The following VPS18 variants were observed in gnomAD, a reference collection of about 807,000 sequenced individuals.
VPS18 encodes the protein vacuolar protein sorting-associated protein 18 homolog.
A neutral mutation model predicts 82.0 loss-of-function variants in VPS18; 25 were observed. That is an observed-to-expected ratio of 0.30 (90% CI 0.22 to 0.43). The LOEUF is 0.43. Ranked by LOEUF, VPS18 falls within the 20% of genes least tolerant of loss-of-function variation. The pLI is 1.00. For missense variants in VPS18, 1,168 were observed against 1,311.1 expected, an observed-to-expected ratio of 0.89 and a Z score of 1.69; for synonymous variants, 523 against 543.0, an observed-to-expected ratio of 0.96 and a Z score of 0.51.
In VPS18 at chr15:40,898,897, G is replaced by C. The variant is rs12591803; in HGVS notation, c.234-10G>C. On this transcript the variant is annotated splice_polypyrimidine_tract_variant and intron_variant, in intron 2 of 4. Transcript: ENST00000220509. ...CTTCTCTAAAGTGATGGTGACGCTT[G>C]TCCCCACAGCATTGACTTGGGCAAG... 1 of 1,613,230 alleles carries C rather than the reference G, an allele frequency of 6.2e-7. No individual in the cohort carries two copies. Among genetic ancestry groups the C allele is most frequent in the Non-Finnish European group, 8.5e-7 (1 of 1,179,654 alleles).
chr15:40,902,757 T>C lies in VPS18; in HGVS notation c.2338T>C (p.Cys780Arg). The C allele has an allele frequency of 6.2e-7, 1 of 1,614,276 alleles. No homozygotes were observed. The highest frequency in any genetic ancestry group is 8.5e-7 in the Non-Finnish European group (1 of 1,180,042). The stretch of plus-strand genomic sequence containing the variant: ...GACAGCCATGGCTTGCCTGGCTAGC[T>C]GCCCCTTGCTCAAGATTGAGGATGT... ...VQTAMACLAS[C>R]PLLKIEDVLP... Residue 780 changes from cysteine (C) to arginine (R), a missense_variant, in exon 5 of 5, where the codon TGC becomes CGC. Physicochemically the swap from Cys to Arg is radical, Grantham distance 180 (BLOSUM62 -3). Coordinates refer to ENST00000220509, the MANE Select transcript of VPS18 (RefSeq NM_020857.3). The surrounding 1 kb of genome is among the most constrained non-coding windows in gnomAD (Gnocchi z 4.2).
chr15:40,902,756 C>T lies in VPS18; in HGVS notation c.2337C>T (p.Ser779=). The T allele has an allele frequency of 6.2e-7, 1 of 1,614,286 alleles. No homozygotes were observed. The highest frequency in any genetic ancestry group is 8.5e-7 in the Non-Finnish European group (1 of 1,180,050). Residue 779 remains serine, a synonymous_variant, in exon 5 of 5, where the codon AGC becomes AGT. Transcript: ENST00000220509. The surrounding 1 kb of genome is among the most constrained non-coding windows in gnomAD (Gnocchi z 4.2). ...AGACAGCCATGGCTTGCCTGGCTAG[C>T]TGCCCCTTGCTCAAGATTGAGGATG... ...DVQTAMACLA[S]CPLLKIEDVL...
chr15:40,899,871 G>A lies in VPS18; in HGVS notation c.1053G>A (p.Gly351=). 9 of 1,608,964 alleles carry A rather than the reference G, an allele frequency of 5.6e-6. No individual in the cohort carries two copies. The highest frequency in any genetic ancestry group is 7.6e-6 in the Non-Finnish European group (9 of 1,180,012). ...DRVEAVCTLT[G]QVVLRDHFLE... is the part of the protein sequence containing the mutation. The stretch of plus-strand genomic sequence containing the variant: ...TGGAGGCAGTGTGCACACTGACCGG[G>A]CAGGTGGTGCTGCGGGATCACTTCC... Residue 351 remains glycine, a synonymous_variant, in exon 4 of 5, where the codon GGG becomes GGA. Transcript: ENST00000220509. This position sits in a 1 kb window ranked among gnomAD's most constrained non-coding sequence, Gnocchi z 4.4.
At position 40,903,588 on chromosome 15, in the gene VPS18, A is replaced by G. The variant is rs1892403671; in HGVS notation, c.*247A>G. 1 of 441,064 alleles carries G rather than the reference A, an allele frequency of 2.3e-6. No individual in the cohort carries two copies. Among genetic ancestry groups the G allele is most frequent in the African/African-American group, 2.0e-5 (1 of 49,428 alleles). The allele number at this position is 441,064 out of a possible 1,614,324, so 27.3% of individuals were successfully genotyped here. A position where few individuals can be genotyped will look rare whatever the true frequency, so the allele number is the denominator to read the frequency against. The stretch of plus-strand genomic sequence containing the variant: ...GCCTGCCTCCCAGTAGAGGCCCTTC[A>G]CCTGGAGAAGTCAGAAATCTGACCC... On this transcript the variant is annotated 3_prime_UTR_variant, in exon 5 of 5. Transcript: ENST00000220509.
Position 40,899,776 on chromosome 15 carries a change from C to T in VPS18, c.958C>T (p.Pro320Ser). 6.2e-7 allele frequency: 1 copy of T among 1,612,764 alleles called. No homozygotes were observed. Among genetic ancestry groups the T allele is most frequent in the Non-Finnish European group, 8.5e-7 (1 of 1,180,008 alleles). Residue 320 changes from proline to serine, a missense_variant, in exon 4 of 5, where the codon CCT becomes TCT. Pro to Ser is a moderately conservative substitution (Grantham distance 74). This residue lies in a region of VPS18 where 868 missense variants were observed against 939.8 expected (regional missense o/e 0.92). Transcript: ENST00000220509. This position sits in a 1 kb window ranked among gnomAD's most constrained non-coding sequence, Gnocchi z 4.4. Reference protein sequence around the residue: ...RVWEYPEGVGPGASPPLAIVL... With the variant: ...RVWEYPEGVGSGASPPLAIVL... Reference sequence around the variant, plus strand: ...CTGGGAGTACCCAGAGGGGGTAGGGCCTGGGGCCAGCCCACCCCTAGCCAT... The same window carrying T: ...CTGGGAGTACCCAGAGGGGGTAGGGTCTGGGGCCAGCCCACCCCTAGCCAT...
chr15:40,894,749 G>T lies in VPS18; in HGVS notation c.-20G>T. 1 of 1,540,072 alleles carries T rather than the reference G, an allele frequency of 6.5e-7. No individual in the cohort carries two copies. The highest frequency in any genetic ancestry group is 8.8e-7 in the Non-Finnish European group (1 of 1,140,928). ...TTGTAATCCCCAGGCCCCGGACAAA[G>T]AGCCCAGAGGCCGGGCACCATGGCG... On this transcript the variant is annotated 5_prime_UTR_variant, in exon 1 of 5. Transcript: ENST00000220509.
chr15:40,899,276 C>T lies in VPS18; in HGVS notation c.458C>T (p.Thr153Met), dbSNP rs753461260. 18 of 1,614,092 alleles carry T rather than the reference C, an allele frequency of 1.1e-5. No homozygotes were observed. Among genetic ancestry groups the T allele is most frequent in the Middle Eastern group, 1.6e-4 (1 of 6,084 alleles). ...GTGGGTTGGAACAAGGCACTGGGCA[C>T]GGAGAGCAGCACAGGCCCCATCCTG... is the stretch of plus-strand genomic sequence containing the variant. ...ESVGWNKALG[T>M]ESSTGPILVG... The change falls in exon 4 of 5, where the codon ACG becomes ATG. Residue 153 changes from threonine (T) to methionine (M), a missense_variant. Physicochemically the swap from Thr to Met is moderately conservative, Grantham distance 81. Coordinates refer to ENST00000220509, the MANE Select transcript of VPS18 (RefSeq NM_020857.3). This position sits in a 1 kb window ranked among gnomAD's most constrained non-coding sequence, Gnocchi z 4.4.
chr15:40,901,377 A>G (rs1892355633), intron 4 of VPS18, among the ~76,000 whole-genome samples: 1 of 152,018 alleles, frequency 6.6e-6, no homozygotes, highest in Admixed American at 6.6e-5. Context: ...TCACAAGGTC[A>G]GGAGTTCGAG....
rs1566869916 is a variant in VPS18 at position 40,900,051 on chromosome 15, CAA to C, written c.1235_1236del (p.Lys412ArgfsTer42). 1 of 1,613,664 alleles carries C rather than the reference CAA, an allele frequency of 6.2e-7. No individual in the cohort carries two copies. The highest frequency in any genetic ancestry group is 1.7e-5 in the Admixed American group (1 of 60,026). On this transcript the variant is annotated frameshift_variant, in exon 4 of 5. Transcript: ENST00000220509. LOFTEE classifies it high-confidence loss of function. This position sits in a 1 kb window ranked among gnomAD's most constrained non-coding sequence, Gnocchi z 5.4. ...TGGACATGAACCGCTTCGATCTGGC[CAA>C]AGAGTATTGTCGAGAGCGGCCCGAC... ...YLDMNRFDLA[K>X]EYCRERPDCL...
In VPS18 at chr15:40,899,969, G is replaced by A. The variant is rs1043786986; in HGVS notation, c.1151G>A (p.Arg384Gln). ...GGCCAGCTGTGGGCCTACACTGAGCGGGCTGTCTTCCGCTACCACGTGCAA... is the reference window on the plus strand; with the variant it reads ...GGCCAGCTGTGGGCCTACACTGAGCAGGCTGTCTTCCGCTACCACGTGCAA... ...STGQLWAYTE[R>Q]AVFRYHVQRE... The change falls in exon 4 of 5, where the codon CGG becomes CAG. Residue 384 changes from arginine (R) to glutamine (Q), a missense_variant. By Grantham distance (43) the Arg-to-Gln change is conservative (BLOSUM62 1). Transcript: ENST00000220509. The surrounding 1 kb of genome is among the most constrained non-coding windows in gnomAD (Gnocchi z 4.4). The A allele has an allele frequency of 5.6e-6, 9 of 1,613,972 alleles. No homozygotes were observed. The highest frequency in any genetic ancestry group is 3.3e-4 in the Middle Eastern group (2 of 6,062).
Position 40,903,007 on chromosome 15 carries a change from G to A in VPS18, c.2588G>A (p.Arg863His). Residue 863 changes from arginine to histidine, a missense_variant, in exon 5 of 5, where the codon CGC (arginine) becomes CAC (histidine). Physicochemically the swap from Arg to His is conservative, Grantham distance 29 (BLOSUM62 0). Transcript: ENST00000220509. ...ACCTGCGACTTCCCCCTGCTCAACC[G>A]CCCTTTTTACCTCTTCCTCTGTGGC... is the stretch of plus-strand genomic sequence containing the variant. ...CATCDFPLLNRPFYLFLCGHM... is the reference protein window; with the variant it reads ...CATCDFPLLNHPFYLFLCGHM... 5.6e-6 allele frequency: 9 copies of A among 1,614,254 alleles called. No individual in the cohort carries two copies. The highest frequency in any genetic ancestry group is 4.5e-5 in the East Asian group (2 of 44,884).
In VPS18 at chr15:40,902,608, C is replaced by A. The variant is rs554486193; in HGVS notation, c.2197-8C>A. 3 of 1,604,998 alleles carry A rather than the reference C, an allele frequency of 1.9e-6. No homozygotes were observed. In the East Asian group the frequency reaches 6.7e-5, roughly 36 times the overall value. ...GGCTTGGCCCTAAAGCCCATGCTCT[C>A]CCCACAGGTGGATGTGGACCTGGCC... On this transcript the variant is annotated splice_region_variant and splice_polypyrimidine_tract_variant and intron_variant, in intron 4 of 4. Coordinates refer to ENST00000220509, the MANE Select transcript of VPS18 (RefSeq NM_020857.3). This position sits in a 1 kb window ranked among gnomAD's most constrained non-coding sequence, Gnocchi z 4.2.
In VPS18 at chr15:40,899,146, T is replaced by A; in HGVS notation, c.328T>A (p.Ser110Thr). ...GCGCCATGCTCTCCCCACTCCAGGCTCTCACCTGCTGATTGCCCTGAGCAG... is the reference window on the plus strand; with the variant it reads ...GCGCCATGCTCTCCCCACTCCAGGCACTCACCTGCTGATTGCCCTGAGCAG... ...VHKMFLDHTGSHLLIALSSTE... is the reference protein window; with the variant it reads ...VHKMFLDHTGTHLLIALSSTE... The change falls in exon 4 of 5, where the codon TCT becomes ACT. Residue 110 changes from serine to threonine, a missense_variant and splice_region_variant. This residue lies in a region of VPS18 where 868 missense variants were observed against 939.8 expected (regional missense o/e 0.92). Coordinates refer to ENST00000220509, the MANE Select transcript of VPS18 (RefSeq NM_020857.3). This position sits in a 1 kb window ranked among gnomAD's most constrained non-coding sequence, Gnocchi z 4.4. 6.2e-7 allele frequency: 1 copy of A among 1,611,354 alleles called. No homozygotes were observed. Among genetic ancestry groups the A allele is most frequent in the Non-Finnish European group, 8.5e-7 (1 of 1,177,808 alleles).
intron 4 of VPS18, among the ~76,000 whole-genome samples, chr15:40,901,357 G>C (rs1032503786): frequency 1.3e-5 from 2 of 152,222 alleles, no homozygotes; most frequent in South Asian, 4.1e-4. Context: ...GGGAGGCCGA[G>C]GTGGGCGGAT....
intron 1 of VPS18, among the ~76,000 whole-genome samples, chr15:40,895,321 C>A (rs1273458735): frequency 6.6e-6 from 1 of 152,122 alleles, no homozygotes; most frequent in African/African-American, 2.4e-5. Flanking sequence ...GAGATGAAAT[C>A]TTTTTGGCCT....
intron 2 of VPS18, 74 bp downstream of exon 2, chr15:40,896,153 T>C (rs1892226511): frequency 1.3e-6 from 2 of 1,577,566 alleles, no homozygotes; most frequent in African/African-American, 2.7e-5. Flanking sequence ...ACTGGGCCTT[T>C]CTTCTATTCC....
Position 40,899,805 on chromosome 15 carries a change from C to T in VPS18, c.987C>T (p.Val329=). The change falls in exon 4 of 5, where the codon GTC becomes GTT. Residue 329 remains valine (V), a synonymous_variant. Coordinates refer to ENST00000220509, the MANE Select transcript of VPS18 (RefSeq NM_020857.3). This position sits in a 1 kb window ranked among gnomAD's most constrained non-coding sequence, Gnocchi z 4.4. ...GGGCCAGCCCACCCCTAGCCATCGT[C>T]TTGACCCAGTTCCACTTCCTGCTGC... The part of the protein sequence containing the change: ...GPGASPPLAI[V]LTQFHFLLLL... 1 of 1,611,174 alleles carries T rather than the reference C, an allele frequency of 6.2e-7. No individual in the cohort carries two copies. Among genetic ancestry groups the T allele is most frequent in the Non-Finnish European group, 8.5e-7 (1 of 1,180,010 alleles).
chr15:40,896,197 G>A, intron 2 of VPS18, 118 bp downstream of exon 2: 1 of 1,417,460 alleles, frequency 7.1e-7, no homozygotes, highest in Non-Finnish European at 9.6e-7. Context: ...GAGTTTTCAG[G>A]AAATATCCTA....
chr15:40,899,646 G>C lies in VPS18; in HGVS notation c.828G>C (p.Lys276Asn). Residue 276 changes from lysine to asparagine, a missense_variant, in exon 4 of 5, where the codon AAG becomes AAC. Coordinates refer to ENST00000220509, the MANE Select transcript of VPS18 (RefSeq NM_020857.3). This position sits in a 1 kb window ranked among gnomAD's most constrained non-coding sequence, Gnocchi z 4.4. ...GTGAGTTGGCCTTCTACACCCCCAA[G>C]CTGCGCTCCGCACCCCGGGCCTTCG... ...GYSELAFYTP[K>N]LRSAPRAFAW... 1 of 1,613,004 alleles carries C rather than the reference G, an allele frequency of 6.2e-7. No homozygotes were observed. Among genetic ancestry groups the C allele is most frequent in the Non-Finnish European group, 8.5e-7 (1 of 1,180,024 alleles).
Sources: gnomAD v4.1 joint callset for allele counts (sites outside exome capture counted in the v4.1 genomes callset) on GRCh38, gnomAD v4.1.1 for gene constraint, gnomAD v4.1.1 regional missense constraint, Gnocchi (gnomAD v3.1) non-coding constraint, MANE v1.5 for transcripts, NCBI Gene and HGNC (gene_info 2026-07-23, HGNC 2026-07-21) for gene names.